DOCK9: variants seen among roughly 807,000 people sequenced by gnomAD.
The protein encoded by DOCK9 is dedicator of cytokinesis 9.
A neutral mutation model predicts 263.3 loss-of-function variants in DOCK9; 89 were observed. The ratio of observed to expected loss-of-function variants is 0.34; its 90% CI spans 0.28 to 0.40. The LOEUF is 0.40. Ranked by LOEUF, DOCK9 falls within the 10% of genes least tolerant of loss-of-function variation. The pLI, the probability that DOCK9 is intolerant of heterozygous loss-of-function variation, is 1.00. For missense variants in DOCK9, 2,140 were observed against 2,603.4 expected (o/e 0.82, Z 3.87); for synonymous variants, 976 against 973.1 (o/e 1.00, Z -0.06).
At chr13:98,857,675 C>T (rs573930998) in intron 33 of DOCK9, 1 of 152,256 alleles carries the variant, frequency 6.6e-6, no homozygotes, top group East Asian at 1.9e-4. Context: ...CAGATTTATT[C>T]ACTGCTATCC....
intron 15 of DOCK9, among the ~76,000 whole-genome samples, chr13:98,895,525 C>T (rs1413392713): frequency 1.3e-5 from 2 of 151,770 alleles, no homozygotes; most frequent in African/African-American, 4.8e-5. Context: ...ATTAGCCAGG[C>T]GTAGTGGTGG....
At chr13:98,961,679 G>A (rs2058655324) in intron 1 of DOCK9, among the ~76,000 whole-genome samples, 1 of 151,734 alleles carries the variant, frequency 6.6e-6, no homozygotes, top group Non-Finnish European at 1.5e-5. Context: ...CAGTGCCTCA[G>A]GGCAGGGCTG....
chr13:98,846,501 T>G (rs1184470370), intron 37 of DOCK9: 2 of 1,350,818 alleles, frequency 1.5e-6, no homozygotes, highest in Middle Eastern at 2.1e-4. Flanking sequence ...TATATGAGTT[T>G]TAACACCTTT....
intron 44 of DOCK9, among the ~76,000 whole-genome samples, chr13:98,826,176 C>T (rs1194237065): frequency 6.6e-6 from 1 of 152,170 alleles, no homozygotes; most frequent in African/African-American, 2.4e-5. Context: ...CTGTTTTCTC[C>T]CATGTAACTC....
intron 1 of DOCK9, among the ~76,000 whole-genome samples, chr13:99,076,244 A>G (rs1040923157): frequency 6.6e-6 from 1 of 152,210 alleles, no homozygotes; most frequent in African/African-American, 2.4e-5. Flanking sequence ...ACTCCCAGTG[A>G]TTTTTATTCC....
intron 33 of DOCK9, 186 bp from the exon 34 acceptor site, chr13:98,856,217 T>A: frequency 1.8e-6 from 1 of 544,002 alleles, no homozygotes; most frequent in Non-Finnish European, 3.2e-6. Context: ...AAAAAGAAAC[T>A]AGTCTGAAAC....
At chr13:98,845,449 T>G in intron 38 of DOCK9, 3 of 1,050,904 alleles carry the variant, frequency 2.9e-6, no homozygotes, top group Non-Finnish European at 3.9e-6. Flanking sequence ...GGCTTTATGT[T>G]TTCACAGTAG....
At position 98,807,742 on chromosome 13, in the gene DOCK9, C is replaced by T. The variant is rs754474873; in HGVS notation, c.5433G>A (p.Ser1811=). ...IYKEPKLTPL[S]EISQRLLKLY... is the part of the protein sequence containing the mutation. ...GTTTAAGGAGTCTCTGAGAAATTTC[C>T]GACAGCGGTGTGAGTTTGGGTTCCT... The change falls in exon 48 of 53, where the codon TCG becomes TCA. Residue 1811 remains serine, a synonymous_variant. Transcript: ENST00000682017. 22 of 1,613,496 alleles carry T rather than the reference C, an allele frequency of 1.4e-5. No homozygotes were observed. Among genetic ancestry groups the T allele is most frequent in the South Asian group, 4.4e-5 (4 of 91,036 alleles).
intron 1 of DOCK9, among the ~76,000 whole-genome samples, chr13:99,004,358 A>G (rs1882924053): frequency 6.6e-6 from 1 of 152,256 alleles, no homozygotes; most frequent in Non-Finnish European, 1.5e-5. Context: ...TTGTTCTTCA[A>G]CAATAAAGAA....
At chr13:99,024,975 TC>T (rs1184067836) in intron 1 of DOCK9, among the ~76,000 whole-genome samples, 2 of 152,246 alleles carry the variant, frequency 1.3e-5, no homozygotes, top group Non-Finnish European at 2.9e-5. Context: ...TTTAGCTGAC[TC>T]CTTACAAGGT....
intron 15 of DOCK9, among the ~76,000 whole-genome samples, chr13:98,896,577 C>T (rs1246768277): frequency 2.0e-5 from 3 of 152,082 alleles, no homozygotes; most frequent in Non-Finnish European, 4.4e-5. Flanking sequence ...TCTTCTAGCG[C>T]CCTCAGCTCT....
intron 2 of DOCK9, among the ~76,000 whole-genome samples, chr13:98,940,513 C>T (rs1193675849): frequency 6.6e-6 from 1 of 152,136 alleles, no homozygotes; most frequent in African/African-American, 2.4e-5. Context: ...ATCATCCCAC[C>T]GTGGCCCCCC....
At chr13:98,905,109 T>C (rs1566924110) in intron 9 of DOCK9, among the ~76,000 whole-genome samples, 4 of 152,128 alleles carry the variant, frequency 2.6e-5, no homozygotes, top group Admixed American at 1.3e-4. Context: ...AGGATGGAAA[T>C]GAGCCCAGAT....
chr13:98,848,386 C>T (rs565920019), intron 37 of DOCK9, among the ~76,000 whole-genome samples: 6 of 152,188 alleles, frequency 3.9e-5, no homozygotes, highest in East Asian at 1.9e-4. Context: ...AGAGATAACA[C>T]GTGAGGTGAA....
At chr13:99,036,049 C>T (rs1328139981) in intron 1 of DOCK9, among the ~76,000 whole-genome samples, 3 of 152,164 alleles carry the variant, frequency 2.0e-5, no homozygotes, top group Non-Finnish European at 4.4e-5. Context: ...GCCTGCCTAC[C>T]CTAGCCTCGC....
intron 45 of DOCK9, among the ~76,000 whole-genome samples, chr13:98,822,586 C>A (rs552243207): frequency 6.6e-6 from 1 of 152,090 alleles, no homozygotes; most frequent in African/African-American, 2.4e-5. Flanking sequence ...AGTTGAAATT[C>A]GCCTGAAGTG....
intron 1 of DOCK9, among the ~76,000 whole-genome samples, chr13:99,056,655 A>G (rs1367182575): frequency 6.6e-6 from 1 of 152,216 alleles, no homozygotes; most frequent in Non-Finnish European, 1.5e-5. Flanking sequence ...CTCAGCTAAA[A>G]TAAATTTAAT....
At chr13:98,981,372 T>C (rs932678243), upstream of DOCK9, among the ~76,000 whole-genome samples, 1 of 152,188 alleles carries the variant, frequency 6.6e-6, no homozygotes. Context: ...AAGTAAAAAT[T>C]TTTTTAAATG....
chr13:99,060,013 T>C (rs1333208375), intron 1 of DOCK9, among the ~76,000 whole-genome samples: 1 of 151,840 alleles, frequency 6.6e-6, no homozygotes, highest in Non-Finnish European at 1.5e-5. Context: ...AATAATATTC[T>C]ATTGGGTGGA....
Sources: gnomAD v4.1 joint callset for allele counts (sites outside exome capture counted in the v4.1 genomes callset) on GRCh38, gnomAD v4.1.1 for gene constraint, MANE v1.5 for transcripts, NCBI Gene and HGNC (gene_info 2026-07-23, HGNC 2026-07-21) for gene names.